Variants in MAP4 observed in about 807,000 individuals in gnomAD.
MAP4 encodes microtubule-associated protein 4.
A neutral mutation model predicts 170.2 loss-of-function variants in MAP4; 76 were observed. That is an observed-to-expected ratio of 0.45 (90% CI 0.37 to 0.54). The LOEUF is 0.54. Ranked by LOEUF, MAP4 falls within the 20% of genes least tolerant of loss-of-function variation. MAP4 has a pLI of 0.00. For synonymous variants in MAP4, 909 were observed against 994.5 expected (o/e 0.91, Z 1.62); for missense variants, 2,506 against 2,748.0 (o/e 0.91, Z 1.97).
At chr3:47,900,509 G>A (rs2100029422) in intron 10 of MAP4, among the ~76,000 whole-genome samples, 1 of 152,184 alleles carries the variant, frequency 6.6e-6, no homozygotes, top group South Asian at 2.1e-4. Flanking sequence ...GGAGGCTGAG[G>A]CAGGCGCATC....
chr3:48,085,191 T>TAA (rs896066878), intron 1 of MAP4, among the ~76,000 whole-genome samples: 83 of 98,854 alleles, frequency 8.4e-4, no homozygotes, highest in African/African-American at 2.7e-3. Context: ...GCTTAATCTT[T>TAA]AAAAAAAAAA....
At chr3:47,858,987 G>A (rs975423002) in intron 17 of MAP4, among the ~76,000 whole-genome samples, 8 of 152,088 alleles carry the variant, frequency 5.3e-5, no homozygotes, top group African/African-American at 7.2e-5. Context: ...AAAATTAGCC[G>A]GGCGTGGTGG....
chr3:47,929,098 AATCCCAACACTTTGGG>A lies in MAP4; in HGVS notation c.293-764_293-749del, dbSNP rs1462099377. ...CTGGGAGAAGTGGCTCACCACCTGT[AATCCCAACACTTTGGG>A]AGGCTGAGGCAGGCAGCTCACTTTG... On this transcript the variant is annotated intron_variant, in intron 3 of 20. Transcript: ENST00000683076. Among the ~76,000 whole-genome samples, 4 of 152,250 alleles carry A rather than the reference AATCCCAACACTTTGGG, an allele frequency of 2.6e-5. No individual in the cohort carries two copies. In the East Asian group the frequency reaches 7.7e-4, roughly 29 times the overall value.
intron 3 of MAP4, 86 bp from the exon 4 acceptor site, chr3:47,928,436 T>C (rs1289091071): frequency 7.6e-7 from 1 of 1,316,878 alleles, no homozygotes; most frequent in Non-Finnish European, 1.1e-6. Flanking sequence ...GTATTACAGC[T>C]AGTACAATAT....
At chr3:47,986,031 A>G (rs1414017819) in intron 2 of MAP4, among the ~76,000 whole-genome samples, 1 of 152,264 alleles carries the variant, frequency 6.6e-6, no homozygotes, top group Non-Finnish European at 1.5e-5. Flanking sequence ...TATAACAAGA[A>G]TGATAAAGCA....
chr3:48,053,040 T>A (rs2154550215), intron 1 of MAP4, among the ~76,000 whole-genome samples: 1 of 152,038 alleles, frequency 6.6e-6, no homozygotes, highest in African/African-American at 2.4e-5. Flanking sequence ...ACTCCAAATA[T>A]TATATGCTTT....
intron 1 of MAP4, among the ~76,000 whole-genome samples, chr3:48,087,568 A>C (rs2100149744): frequency 6.6e-6 from 1 of 151,538 alleles, no homozygotes; most frequent in Non-Finnish European, 1.5e-5. Context: ...CATACTATTC[A>C]CCCTCCTCCT....
Position 47,911,744 on chromosome 3 carries a change from T to C in MAP4, c.2677A>G (p.Lys893Glu), listed in dbSNP as rs1419458770. Residue 893 changes from lysine (K) to glutamate (E), a missense_variant, in exon 9 of 21, where the codon AAG (lysine) becomes GAG (glutamate). Physicochemically the swap from Lys to Glu is moderately conservative, Grantham distance 56. Around this residue, in one of 3 missense-constraint regions of MAP4, gnomAD observed 2,008 missense variants for 2,206.0 expected, o/e 0.91. Transcript: ENST00000683076. This position sits in a 1 kb window ranked among gnomAD's most constrained non-coding sequence, Gnocchi z 4.0. ...SNKSVLQNQD[K>E]KLLKQHEYKP... ...TATTCATGTTGCTTCAGCAATTTCTTGTCTTGGTTTTGTAGTACTGACTTG... is the reference window on the plus strand; with the variant it reads ...TATTCATGTTGCTTCAGCAATTTCTCGTCTTGGTTTTGTAGTACTGACTTG... 2 of 1,536,054 alleles carry C rather than the reference T, an allele frequency of 1.3e-6. No homozygotes were observed. The highest frequency in any genetic ancestry group is 1.7e-6 in the Non-Finnish European group (2 of 1,146,922).
At chr3:48,028,112 TG>T (rs1399353917) in intron 1 of MAP4, among the ~76,000 whole-genome samples, 15 of 152,038 alleles carry the variant, frequency 9.9e-5, no homozygotes, top group Non-Finnish European at 2.2e-4. Context: ...GCCAACATAG[TG>T]AAACCTCATC....
intron 3 of MAP4, among the ~76,000 whole-genome samples, chr3:47,933,383 T>G (rs2100050959): frequency 6.6e-6 from 1 of 152,178 alleles, no homozygotes; most frequent in Non-Finnish European, 1.5e-5. Flanking sequence ...ATCATTTACT[T>G]CCACACTTAC....
At chr3:48,049,038 ATAAGCTTTTCCAC>A (rs140160046) in intron 1 of MAP4, among the ~76,000 whole-genome samples, 4,540 of 152,304 alleles carry the variant, frequency 0.03, 109 homozygotes, top group Non-Finnish European at 0.044. Context: ...ACCTCTTGAG[ATAAGCTTTTCCAC>A]TAAGCACATT....
Position 47,909,440 on chromosome 3 carries a change from A to G in MAP4, c.4981T>C (p.Leu1661=), listed in dbSNP as rs771659904. The G allele has an allele frequency of 1.2e-6, 2 of 1,613,676 alleles. No homozygotes were observed. The highest frequency in any genetic ancestry group is 1.7e-5 in the Admixed American group (1 of 59,990). The change falls in exon 9 of 21, where the codon TTG becomes CTG. Residue 1661 remains leucine (L), a synonymous_variant. Coordinates refer to ENST00000683076, the MANE Select transcript of MAP4 (RefSeq NM_001385682.1). ...TTATCATTTTCACTTTTTGGAGACAAAAGAGTCAGATCTACCTTCTTATTC... is the reference window on the plus strand; with the variant it reads ...TTATCATTTTCACTTTTTGGAGACAGAAGAGTCAGATCTACCTTCTTATTC... ...SLNKKVDLTL[L]SPKSENDKLK... is the part of the protein sequence containing the mutation.
In MAP4 at chr3:47,910,835, A is replaced by T; in HGVS notation, c.3586T>A (p.Trp1196Arg). The T allele has an allele frequency of 6.5e-7, 1 of 1,536,014 alleles. No individual in the cohort carries two copies. Residue 1196 changes from tryptophan (W) to arginine (R), a missense_variant, in exon 9 of 21, where the codon TGG (tryptophan) becomes AGG (arginine). Physicochemically the swap from Trp to Arg is moderately radical, Grantham distance 101. Around this residue, in one of 3 missense-constraint regions of MAP4, gnomAD observed 2,008 missense variants for 2,206.0 expected, o/e 0.91. Coordinates refer to ENST00000683076, the MANE Select transcript of MAP4 (RefSeq NM_001385682.1). ...NNQSKEGRCP[W>R]KDHEAAPWIS... ...CAGGGAGCTGCCTCATGATCCTTCC[A>T]TGGACACCTTCCTTCCTTGCTCTGG... is the stretch of plus-strand genomic sequence containing the variant.
intron 10 of MAP4, among the ~76,000 whole-genome samples, chr3:47,884,552 C>T (rs2097268386): frequency 6.6e-6 from 1 of 152,124 alleles, no homozygotes; most frequent in Admixed American, 6.5e-5. Flanking sequence ...GCATTTATGG[C>T]CTGTTGTGTT....
chr3:48,031,274 G>A (rs1246095871), intron 1 of MAP4, among the ~76,000 whole-genome samples: 1 of 152,170 alleles, frequency 6.6e-6, no homozygotes, highest in East Asian at 1.9e-4. Context: ...AAATTAGGCT[G>A]GGTGCGGTGG....
intron 3 of MAP4, among the ~76,000 whole-genome samples, chr3:47,956,355 G>C (rs1017161190): frequency 6.6e-6 from 1 of 152,148 alleles, no homozygotes; most frequent in Non-Finnish European, 1.5e-5. Context: ...TTTACACATA[G>C]CTCTGCACAA....
chr3:47,981,524 C>T (rs986207583), intron 2 of MAP4, among the ~76,000 whole-genome samples: 1 of 152,090 alleles, frequency 6.6e-6, no homozygotes, highest in African/African-American at 2.4e-5. Flanking sequence ...AATCCCAGCA[C>T]TTTGGGAGGC....
intron 2 of MAP4, among the ~76,000 whole-genome samples, chr3:47,992,273 A>G (rs2154348798): frequency 6.6e-6 from 1 of 152,330 alleles, no homozygotes; most frequent in South Asian, 2.1e-4. Context: ...CCAGATTTCT[A>G]CAAGACTAAA....
At chr3:48,011,675 T>C (rs542200976) in intron 1 of MAP4, among the ~76,000 whole-genome samples, 1 of 152,298 alleles carries the variant, frequency 6.6e-6, no homozygotes, top group East Asian at 1.9e-4. Flanking sequence ...TAAAGTATTA[T>C]TGTAACTCCA....
Sources: allele counts gnomAD v4.1 joint callset (sites outside exome capture counted in the v4.1 genomes callset), GRCh38; gene constraint gnomAD v4.1.1; regional missense constraint gnomAD v4.1.1; non-coding constraint Gnocchi (gnomAD v3.1); transcripts MANE v1.5; gene names NCBI Gene and HGNC (gene_info 2026-07-23, HGNC 2026-07-21).